The following MALRD1 variants were observed in gnomAD, a reference collection of about 807,000 sequenced individuals.
The protein encoded by MALRD1 is MAM and LDL receptor class A domain containing 1, also known as MAM and LDL-receptor class A domain-containing protein 1.
A neutral mutation model predicts 242.1 loss-of-function variants in MALRD1; 247 were observed. The observed-to-expected ratio is 1.02, with a 90% CI of 0.92 to 1.13. The LOEUF (loss-of-function observed/expected upper bound fraction) is 1.13. MALRD1 is among the 50% of genes most tolerant of loss of function. MALRD1 has a pLI of 0.00. For missense variants in MALRD1, 2,989 were observed against 2,533.1 expected, an observed-to-expected ratio of 1.18 and a Z score of -3.86; for synonymous variants, 995 against 866.6, an observed-to-expected ratio of 1.15 and a Z score of -2.60.
At chr10:19,234,140 G>A (rs948351238) in intron 18 of MALRD1, among the ~76,000 whole-genome samples, 2 of 151,648 alleles carry the variant, frequency 1.3e-5, no homozygotes, top group African/African-American at 4.8e-5. Context: ...TGACATTATA[G>A]GTGTTCCTTG....
At chr10:19,531,463 C>A in intron 32 of MALRD1, 112 bp downstream of exon 32, 1 of 1,001,906 alleles carries the variant, frequency 1.0e-6, no homozygotes, top group Non-Finnish European at 1.4e-6. Context: ...AGTGCTGATG[C>A]CATTAATTTC....
At chr10:19,586,270 G>A (rs1260381232) in intron 33 of MALRD1, among the ~76,000 whole-genome samples, 4 of 152,192 alleles carry the variant, frequency 2.6e-5, no homozygotes, top group Admixed American at 2.6e-4. Flanking sequence ...TGCTGGTGAG[G>A]AACTGTGTTC....
chr10:19,473,717 T>C (rs1836604864), intron 29 of MALRD1, among the ~76,000 whole-genome samples: 1 of 152,178 alleles, frequency 6.6e-6, no homozygotes, highest in South Asian at 2.1e-4. Flanking sequence ...CACATTTTGT[T>C]TATCTGTTAA....
chr10:19,455,525 C>G (rs1442859619), intron 29 of MALRD1, among the ~76,000 whole-genome samples: 4 of 152,090 alleles, frequency 2.6e-5, no homozygotes, highest in Non-Finnish European at 4.4e-5. Flanking sequence ...TGTTTTTCAT[C>G]TATAAAATAG....
chr10:19,483,745 C>T (rs1475440316), intron 29 of MALRD1, among the ~76,000 whole-genome samples: 2 of 152,126 alleles, frequency 1.3e-5, no homozygotes, highest in African/African-American at 4.8e-5. Context: ...TTAGAACTAA[C>T]ATTCAACTCA....
intron 36 of MALRD1, among the ~76,000 whole-genome samples, chr10:19,686,855 A>T (rs1842604495): frequency 6.6e-6 from 1 of 152,226 alleles, no homozygotes; most frequent in African/African-American, 2.4e-5. Flanking sequence ...AAACTTCCAG[A>T]GTTCAAAAAA....
intron 27 of MALRD1, chr10:19,389,219 G>T (rs1186776773): frequency 6.3e-6 from 4 of 633,240 alleles, no homozygotes; most frequent in Non-Finnish European, 1.2e-5. Context: ...TATCCCATCA[G>T]ATCAGTTAAT....
chr10:19,176,389 A>C, intron 14 of MALRD1, among the ~76,000 whole-genome samples: 1 of 45,382 alleles, frequency 2.2e-5, no homozygotes, highest in African/African-American at 7.5e-5. Flanking sequence ...TTTTTTTGAG[A>C]CGGAGTCTCG....
chr10:19,455,548 T>C (rs1835603265), intron 29 of MALRD1, among the ~76,000 whole-genome samples: 1 of 152,152 alleles, frequency 6.6e-6, no homozygotes, highest in African/African-American at 2.4e-5. Context: ...GTAATAATGC[T>C]TCCATCTCAT....
chr10:19,692,078 A>G (rs10827765), intron 36 of MALRD1, among the ~76,000 whole-genome samples: 55,911 of 151,954 alleles, frequency 0.37, 11,418 homozygotes, highest in South Asian at 0.47. Context: ...TATTGAAGAA[A>G]ATTATCTTAC....
At chr10:19,452,507 A>C (rs1835386764) in intron 29 of MALRD1, among the ~76,000 whole-genome samples, 1 of 152,210 alleles carries the variant, frequency 6.6e-6, no homozygotes, top group African/African-American at 2.4e-5. Context: ...TACACATTTA[A>C]TACATTTTCA....
At chr10:19,328,470 TC>T (rs1202908586) in intron 23 of MALRD1, among the ~76,000 whole-genome samples, 2 of 152,124 alleles carry the variant, frequency 1.3e-5, no homozygotes, top group Non-Finnish European at 2.9e-5. Context: ...GCCGTTTATC[TC>T]CAGATAGAAG....
intron 33 of MALRD1, among the ~76,000 whole-genome samples, chr10:19,586,279 T>C (rs1458485896): frequency 1.3e-5 from 2 of 152,226 alleles, no homozygotes; most frequent in Non-Finnish European, 2.9e-5. Flanking sequence ...GGAACTGTGT[T>C]CCTTTGGAGG....
At chr10:19,730,209 A>C (rs2131939229) in intron 38 of MALRD1, among the ~76,000 whole-genome samples, 1 of 152,296 alleles carries the variant, frequency 6.6e-6, no homozygotes, top group East Asian at 1.9e-4. Flanking sequence ...GTTGTATTTA[A>C]ATTTGCTGAT....
intron 24 of MALRD1, among the ~76,000 whole-genome samples, chr10:19,339,661 C>G (rs1396942476): frequency 6.6e-6 from 1 of 152,168 alleles, no homozygotes; most frequent in African/African-American, 2.4e-5. Context: ...TGCTGTGTAA[C>G]AAACTACAGC....
chr10:19,416,009 T>C (rs1485390284), intron 28 of MALRD1, among the ~76,000 whole-genome samples: 1 of 152,214 alleles, frequency 6.6e-6, no homozygotes, highest in African/African-American at 2.4e-5. Flanking sequence ...GATTTGTCTG[T>C]GGCTATAAAC....
intron 19 of MALRD1, among the ~76,000 whole-genome samples, chr10:19,272,067 A>C (rs1369235634): frequency 6.6e-6 from 1 of 152,150 alleles, no homozygotes; most frequent in Non-Finnish European, 1.5e-5. Context: ...ATAGACTAAT[A>C]GATCAAAACT....
At chr10:19,257,232 C>A (rs1839554208) in intron 18 of MALRD1, among the ~76,000 whole-genome samples, 1 of 152,040 alleles carries the variant, frequency 6.6e-6, no homozygotes. Flanking sequence ...GCCCTTAAAA[C>A]TGTATATCCT....
intron 34 of MALRD1, among the ~76,000 whole-genome samples, chr10:19,606,427 GT>G (rs1838627017): frequency 6.6e-6 from 1 of 152,094 alleles, no homozygotes; most frequent in Non-Finnish European, 1.5e-5. Context: ...TTGAACCTGG[GT>G]TAAGTGCAAG....
Sources: gnomAD v4.1 joint callset for allele counts (sites outside exome capture counted in the v4.1 genomes callset) on GRCh38, gnomAD v4.1.1 for gene constraint, MANE v1.5 for transcripts, NCBI Gene and HGNC (gene_info 2026-07-23, HGNC 2026-07-21) for gene names.